KIAA1671: variants seen among roughly 807,000 people sequenced by gnomAD.
The protein encoded by KIAA1671 is KIAA1671, also known as uncharacterized protein KIAA1671.
Under a neutral mutation model 131.2 loss-of-function variants are expected in KIAA1671, and 52 were observed. The observed-to-expected ratio is 0.40, with a 90% CI of 0.32 to 0.50. KIAA1671 has a LOEUF of 0.50. Ranked by LOEUF, KIAA1671 falls within the 20% of genes least tolerant of loss-of-function variation. The probability of loss-of-function intolerance (pLI) is 0.73; values close to 1 mark genes in which losing one functional copy is unlikely to be tolerated. For synonymous variants in KIAA1671, 1,003 were observed against 961.6 expected, an observed-to-expected ratio of 1.04 and a Z score of -0.80; for missense variants, 2,360 against 2,364.2, an observed-to-expected ratio of 1.00 and a Z score of 0.04.
intron 4 of KIAA1671, among the ~76,000 whole-genome samples, chr22:25,037,450 ACAGT>A (rs1926677619): frequency 1.3e-5 from 2 of 152,218 alleles, no homozygotes; most frequent in South Asian, 2.1e-4. Context: ...ACAAAGGTTT[ACAGT>A]CAGTGTTTTT....
At position 25,195,528 on chromosome 22, in the gene KIAA1671, A is replaced by G. The variant is rs775831194; in HGVS notation, c.*3127A>G. 1 of 152,146 alleles carries G rather than the reference A, an allele frequency of 6.6e-6. No homozygotes were observed. Among genetic ancestry groups the G allele is most frequent in the Non-Finnish European group, 1.5e-5 (1 of 68,024 alleles). The allele number at this position is 152,146 out of a possible 1,614,324, so 9.4% of individuals were successfully genotyped here. On this transcript the variant is annotated 3_prime_UTR_variant, in exon 13 of 13. Transcript: ENST00000358431. ...GCGCCAAATCATGTGGTTTCAGACA[A>G]TTGTGTTTGCCTTTGTGCCTCCCTG...
intron 6 of KIAA1671, among the ~76,000 whole-genome samples, chr22:25,140,424 G>A (rs1019775754): frequency 4.6e-5 from 7 of 151,598 alleles, no homozygotes; most frequent in Admixed American, 6.6e-5. Flanking sequence ...CGCCCAGGCC[G>A]GACTGCGGTG....
intron 6 of KIAA1671, among the ~76,000 whole-genome samples, chr22:25,107,222 C>A (rs1361613154): frequency 6.6e-6 from 1 of 151,920 alleles, no homozygotes; most frequent in Admixed American, 6.6e-5. Context: ...TGGTGAAACC[C>A]CCCCATGACC....
At position 25,195,675 on chromosome 22, in the gene KIAA1671, A is replaced by C. The variant is rs1409851756; in HGVS notation, c.*3274A>C. 1.3e-5 allele frequency: 2 copies of C among 152,196 alleles called. No homozygotes were observed. The highest frequency in any genetic ancestry group is 6.5e-5 in the Admixed American group (1 of 15,280). 9.4% of individuals were successfully genotyped at this position (152,196 alleles called of 1,614,324 possible). On this transcript the variant is annotated 3_prime_UTR_variant, in exon 13 of 13. Coordinates refer to ENST00000358431, the MANE Select transcript of KIAA1671 (RefSeq NM_001145206.2). ...AAGACCCTTAGCATGATTTTCCTAAAAGAGACCTTAGCTGCTCCAACCTGG... is the reference window on the plus strand; with the variant it reads ...AAGACCCTTAGCATGATTTTCCTAACAGAGACCTTAGCTGCTCCAACCTGG...
Position 25,003,026 on chromosome 22 carries a change from G to T in KIAA1671, c.-207-22607G>T, listed in dbSNP as rs1924557965. 2.0e-5 allele frequency among the ~76,000 whole-genome samples: 3 copies of T among 152,172 alleles called. No homozygotes were observed. In the South Asian group the frequency reaches 6.2e-4, roughly 31 times the overall value. ...AGCTCAAAGTGATCCATCCGCCTCG[G>T]CCTCCCAAAGTGCTGGGATTACAGG... On this transcript the variant is annotated intron_variant, in intron 1 of 12. Coordinates refer to ENST00000358431, the MANE Select transcript of KIAA1671 (RefSeq NM_001145206.2).
intron 6 of KIAA1671, among the ~76,000 whole-genome samples, chr22:25,093,725 A>T (rs772865420): frequency 0.022 from 1,546 of 69,480 alleles, 170 homozygotes; most frequent in African/African-American, 0.058. Flanking sequence ...ACACACACAC[A>T]CACACACACA....
intron 6 of KIAA1671, among the ~76,000 whole-genome samples, chr22:25,135,249 A>G (rs934562093): frequency 1.3e-5 from 2 of 152,160 alleles, no homozygotes; most frequent in Non-Finnish European, 2.9e-5. Context: ...GCAGTGGCGC[A>G]ATCTCAGCTC....
In KIAA1671 at chr22:25,041,088, A is replaced by G. The variant is rs1202296727; in HGVS notation, c.3958A>G (p.Lys1320Glu). 3.2e-6 allele frequency: 5 copies of G among 1,541,372 alleles called. No individual in the cohort carries two copies. The East Asian group carries it at 7.3e-5, about 23-fold the overall frequency. ...CTCTCCTATACCTGCGGATCCCAGGAAAAAAACGGGGTTTGCTGAGGATGA... is the reference window on the plus strand; with the variant it reads ...CTCTCCTATACCTGCGGATCCCAGGGAAAAAACGGGGTTTGCTGAGGATGA... ...GGSPIPADPR[K>E]KTGFAEDDRK... is the part of the protein sequence containing the mutation. The change falls in exon 5 of 13, where the codon AAA (lysine) becomes GAA (glutamate). Residue 1320 changes from lysine to glutamate, a missense_variant. Coordinates refer to ENST00000358431, the MANE Select transcript of KIAA1671 (RefSeq NM_001145206.2).
Position 25,177,473 on chromosome 22 carries a change from A to T in KIAA1671, c.5025A>T (p.Ser1675=), listed in dbSNP as rs928272373. ...GATTTAGTGAGTCCGAGAGCAGATC[A>T]CCTTTGGAGGATGAGACTGACAACA... ...RSRFSESESR[S]PLEDETDNTW... is the part of the protein sequence containing the mutation. Residue 1675 remains serine, a synonymous_variant, in exon 9 of 13, where the codon TCA becomes TCT. Transcript: ENST00000358431. The T allele has an allele frequency of 1.9e-6, 3 of 1,551,582 alleles. No homozygotes were observed. Among genetic ancestry groups the T allele is most frequent in the African/African-American group, 2.7e-5 (2 of 73,034 alleles).
At chr22:25,090,880 G>A (rs922352908) in intron 6 of KIAA1671, among the ~76,000 whole-genome samples, 3 of 152,182 alleles carry the variant, frequency 2.0e-5, no homozygotes, top group African/African-American at 7.2e-5. Flanking sequence ...TCCATGCTGT[G>A]AATGTTCTTC....
At chr22:25,192,319 T>G (rs1934695004) in intron 12 of KIAA1671, 87 bp from the exon 13 acceptor site, 2 of 152,146 alleles carry the variant, frequency 1.3e-5, no homozygotes, top group Non-Finnish European at 2.9e-5. Flanking sequence ...TTGGAGAATA[T>G]CAGGTGAGAT....
chr22:25,032,463 C>G (rs1023164975), intron 3 of KIAA1671, 146 bp from the exon 4 acceptor site: 8 of 503,810 alleles, frequency 1.6e-5, no homozygotes, highest in Middle Eastern at 5.3e-4. Context: ...GAGGTAGGCT[C>G]TCCCCACTGG....
chr22:25,046,725 C>T (rs531749011), intron 5 of KIAA1671, among the ~76,000 whole-genome samples: 1 of 151,942 alleles, frequency 6.6e-6, no homozygotes, highest in South Asian at 2.1e-4. Context: ...ATTTTTGCTT[C>T]ACTTTTCCAT....
chr22:25,049,495 C>G (rs1213357223), intron 6 of KIAA1671, 131 bp downstream of exon 6: 4 of 1,034,808 alleles, frequency 3.9e-6, no homozygotes, highest in Non-Finnish European at 5.5e-6. Context: ...GGCAACTGTC[C>G]AGGAATCTGG....
intron 1 of KIAA1671, among the ~76,000 whole-genome samples, chr22:24,976,202 C>T (rs1922902238): frequency 6.6e-6 from 1 of 152,194 alleles, no homozygotes; most frequent in Non-Finnish European, 1.5e-5. Flanking sequence ...TCGGCAGTTC[C>T]CTGTTTATGG....
At chr22:25,105,904 C>T (rs1042201822) in intron 6 of KIAA1671, among the ~76,000 whole-genome samples, 4 of 151,956 alleles carry the variant, frequency 2.6e-5, no homozygotes, top group Non-Finnish European at 2.9e-5. Flanking sequence ...GTGGTTTTTC[C>T]ATCAGTAAAA....
intron 5 of KIAA1671, among the ~76,000 whole-genome samples, chr22:25,048,175 C>T (rs889319378): frequency 5.0e-4 from 76 of 152,250 alleles, no homozygotes; most frequent in Middle Eastern, 3.4e-3. Flanking sequence ...GGAATCAAGA[C>T]GCATGTTTTG....
At position 25,093,840 on chromosome 22, in the gene KIAA1671, C is replaced by CTG. The variant is rs1930254307; in HGVS notation, c.4530+44477_4530+44478insGT. ...TCTCTCTCTTTCTCTCTCTGTCTGT[C>CTG]TCTCTCTCTCTCTCTCTCTCTCTCT... On this transcript the variant is annotated intron_variant, in intron 6 of 12. Coordinates refer to ENST00000358431, the MANE Select transcript of KIAA1671 (RefSeq NM_001145206.2). Among the ~76,000 whole-genome samples the CTG allele has an allele frequency of 1.1e-4, 6 of 57,088 alleles. No individual in the cohort carries two copies. The South Asian group carries it at 3.7e-3, about 35-fold the overall frequency. The allele number at this position is 57,088 out of a possible 152,430, so 37.5% of individuals were successfully genotyped here.
At chr22:25,163,817 C>A (rs5996845) in intron 6 of KIAA1671, among the ~76,000 whole-genome samples, 53,053 of 151,894 alleles carry the variant, frequency 0.35, 11,107 homozygotes, top group African/African-American at 0.6. Context: ...GGTTGTCTCT[C>A]GTATTTTGCA....
Sources: gnomAD v4.1 joint callset for allele counts (sites outside exome capture counted in the v4.1 genomes callset) on GRCh38, gnomAD v4.1.1 for gene constraint, MANE v1.5 for transcripts, NCBI Gene and HGNC (gene_info 2026-07-23, HGNC 2026-07-21) for gene names.